AAK1: variants seen among roughly 807,000 people sequenced by gnomAD.
The protein encoded by AAK1 is AP2-associated protein kinase 1.
AAK1 carries 37 observed loss-of-function variants against 116.0 expected under a neutral mutation model. The observed-to-expected ratio is 0.32, with a 90% CI of 0.25 to 0.42. The LOEUF (loss-of-function observed/expected upper bound fraction) is 0.42. Among genes scored for constraint, AAK1 ranks in the 10% least tolerant of loss-of-function variants. AAK1 has a pLI of 1.00. For synonymous variants in AAK1, 458 were observed against 439.9 expected (o/e 1.04, Z -0.51); for missense variants, 919 against 1,170.6 (o/e 0.79, Z 3.14).
intron 2 of AAK1, among the ~76,000 whole-genome samples, chr2:69,614,944 G>A (rs1439933400): frequency 6.6e-6 from 1 of 152,130 alleles, no homozygotes; most frequent in African/African-American, 2.4e-5. Flanking sequence ...GAGGGAGCAC[G>A]GCCCTGTCAA....
intron 3 of AAK1, among the ~76,000 whole-genome samples, chr2:69,551,725 C>CA (rs1417439947): frequency 2.0e-5 from 3 of 152,276 alleles, no homozygotes; most frequent in African/African-American, 7.2e-5. Context: ...TGCTTTCAGG[C>CA]AAAGGGATCA....
At chr2:69,593,352 A>G (rs945947179) in intron 2 of AAK1, among the ~76,000 whole-genome samples, 2 of 152,180 alleles carry the variant, frequency 1.3e-5, no homozygotes, top group Non-Finnish European at 2.9e-5. Context: ...TGTTCACAAC[A>G]TATTATTGAG....
intron 3 of AAK1, among the ~76,000 whole-genome samples, chr2:69,548,113 G>C (rs2105064697): frequency 6.6e-6 from 1 of 152,276 alleles, no homozygotes; most frequent in Non-Finnish European, 1.5e-5. Flanking sequence ...ACTGCTAACA[G>C]GCTGGAAGTT....
At chr2:69,603,136 A>G (rs887319957) in intron 2 of AAK1, among the ~76,000 whole-genome samples, 1 of 152,230 alleles carries the variant, frequency 6.6e-6, no homozygotes, top group African/African-American at 2.4e-5. Context: ...AAATTCAATA[A>G]AGAGGCATTT....
intron 2 of AAK1, among the ~76,000 whole-genome samples, chr2:69,627,171 C>T (rs1674940326): frequency 6.6e-6 from 1 of 151,934 alleles, no homozygotes; most frequent in African/African-American, 2.4e-5. Context: ...CGCCTGTAGT[C>T]CCAGCTACTA....
At chr2:69,593,909 T>G (rs1673144114) in intron 2 of AAK1, among the ~76,000 whole-genome samples, 1 of 152,270 alleles carries the variant, frequency 6.6e-6, no homozygotes, top group Non-Finnish European at 1.5e-5. Context: ...CTGCCAGCTT[T>G]AACATTTCTG....
At position 69,480,874 on chromosome 2, in the gene AAK1, G is replaced by A; in HGVS notation, c.2555C>T (p.Thr852Ile). Residue 852 changes from threonine to isoleucine, a missense_variant, in exon 19 of 22, where the codon ACC becomes ATC. Physicochemically the swap from Thr to Ile is moderately conservative, Grantham distance 89 (BLOSUM62 -1). Around this residue, in one of 4 missense-constraint regions of AAK1, gnomAD observed 263 missense variants for 285.5 expected, o/e 0.92. Coordinates refer to ENST00000409085, the MANE Select transcript of AAK1 (RefSeq NM_014911.5). ...QRLPSQTESV[T>I]SNRTDSLTGE... is the part of the protein sequence containing the mutation. Reference sequence around the variant, plus strand: ...ACCTGACTGACCTGTGCGATTCGAGGTCACAGATTCCGTCTGAGATGGGAG... The same window carrying A: ...ACCTGACTGACCTGTGCGATTCGAGATCACAGATTCCGTCTGAGATGGGAG... 1 of 1,600,390 alleles carries A rather than the reference G, an allele frequency of 6.2e-7. No homozygotes were observed. The highest frequency in any genetic ancestry group is 1.1e-5 in the South Asian group (1 of 87,652).
chr2:69,551,362 C>T (rs1671176740), intron 3 of AAK1, among the ~76,000 whole-genome samples: 1 of 152,100 alleles, frequency 6.6e-6, no homozygotes, highest in African/African-American at 2.4e-5. Flanking sequence ...ATGTAACAAA[C>T]CTGCACATCC....
intron 17 of AAK1, among the ~76,000 whole-genome samples, chr2:69,484,192 A>G (rs938864045): frequency 6.6e-6 from 1 of 152,232 alleles, no homozygotes; most frequent in Non-Finnish European, 1.5e-5. Flanking sequence ...ATAACGTTGT[A>G]ATAAATCTGT....
chr2:69,534,508 C>T (rs1374135378), intron 5 of AAK1, among the ~76,000 whole-genome samples: 2 of 152,246 alleles, frequency 1.3e-5, no homozygotes, highest in African/African-American at 2.4e-5. Flanking sequence ...ACTAGCCAGG[C>T]TGATTTGTTC....
chr2:69,577,165 CCT>C (rs1157159188), intron 2 of AAK1, among the ~76,000 whole-genome samples: 19 of 152,232 alleles, frequency 1.2e-4, no homozygotes, highest in Admixed American at 9.8e-4. Context: ...CAGCAGAACC[CCT>C]GTCTTCTGCC....
intron 17 of AAK1, among the ~76,000 whole-genome samples, chr2:69,483,800 G>A (rs1044583733): frequency 1.3e-5 from 2 of 152,054 alleles, no homozygotes; most frequent in African/African-American, 2.4e-5. Context: ...GATGTCTTCT[G>A]GCCAAGAAAT....
intron 2 of AAK1, among the ~76,000 whole-genome samples, chr2:69,601,701 A>C (rs1250428815): frequency 2.0e-5 from 3 of 152,202 alleles, no homozygotes; most frequent in Non-Finnish European, 2.9e-5. Flanking sequence ...TTATCTGCCT[A>C]AACGGACTGA....
chr2:69,643,517 T>C, intron 1 of AAK1, 58 bp downstream of exon 1: 2 of 1,224,546 alleles, frequency 1.6e-6, no homozygotes, highest in Non-Finnish European at 2.0e-6. Context: ...GGGCACTGCC[T>C]CCCGCTCCTC....
intron 20 of AAK1, among the ~76,000 whole-genome samples, chr2:69,477,879 T>C (rs1377019358): frequency 1.3e-5 from 2 of 152,236 alleles, no homozygotes; most frequent in African/African-American, 4.8e-5. Context: ...TTAAGCTCTT[T>C]CTTTTCTACA....
chr2:69,614,580 C>A (rs1479162026), intron 2 of AAK1, among the ~76,000 whole-genome samples: 1 of 152,152 alleles, frequency 6.6e-6, no homozygotes, highest in African/African-American at 2.4e-5. Flanking sequence ...ACCTTTGCTC[C>A]CAACACCCTG....
intron 2 of AAK1, among the ~76,000 whole-genome samples, chr2:69,609,612 C>T (rs762168772): frequency 3.9e-5 from 6 of 152,002 alleles, no homozygotes; most frequent in Non-Finnish European, 7.4e-5. Context: ...TGCAGTGAGC[C>T]GAGATTGTGC....
At position 69,475,172 on chromosome 2, in the gene AAK1, T is replaced by G. The variant is rs1055942007; in HGVS notation, c.*697A>C. ...CGTCTCCAGATCTGAGAAATCACGG[T>G]TCAATGGAAGCCAGAAAGCTGGACG... On this transcript the variant is annotated 3_prime_UTR_variant, in exon 22 of 22. Coordinates refer to ENST00000409085, the MANE Select transcript of AAK1 (RefSeq NM_014911.5). The G allele has an allele frequency of 4.1e-6, 4 of 985,702 alleles. No individual in the cohort carries two copies. The African/African-American group carries it at 7.0e-5, about 17-fold the overall frequency. The allele number at this position is 985,702 out of a possible 1,614,324, so 61.1% of individuals were successfully genotyped here.
intron 18 of AAK1, 181 bp downstream of exon 18, chr2:69,482,530 A>C: frequency 5.7e-6 from 4 of 706,434 alleles, no homozygotes; most frequent in Non-Finnish European, 1.1e-5. Flanking sequence ...CAAAAAATAG[A>C]CGTTGTACCC....
Sources: gnomAD v4.1 joint callset for allele counts (sites outside exome capture counted in the v4.1 genomes callset) on GRCh38, gnomAD v4.1.1 for gene constraint, gnomAD v4.1.1 regional missense constraint, MANE v1.5 for transcripts, NCBI Gene and HGNC (gene_info 2026-07-23, HGNC 2026-07-21) for gene names.